Variants in BRME1 observed in about 807,000 individuals in gnomAD.
The protein encoded by BRME1 is break repair meiotic recombinase recruitment factor 1.
BRME1 carries 31 observed loss-of-function variants against 52.6 expected under a neutral mutation model. The observed-to-expected ratio is 0.59, with a 90% CI of 0.44 to 0.80. BRME1 has a LOEUF of 0.80. Among genes scored for constraint, BRME1 ranks in the 30% least tolerant of loss-of-function variants. The pLI, the probability that BRME1 is intolerant of heterozygous loss-of-function variation, is 0.00. For missense variants in BRME1, 804 were observed against 860.3 expected (o/e 0.93, Z 0.82); for synonymous variants, 359 against 353.6 (o/e 1.02, Z -0.17).
rs149763682 is a variant in BRME1 at position 13,904,870 on chromosome 19, C to T, written c.23G>A (p.Arg8Gln). 146 of 1,613,794 alleles carry T rather than the reference C, an allele frequency of 9.0e-5. No individual in the cohort carries two copies. The East Asian group carries it at 3.0e-3, about 33-fold the overall frequency. Residue 8 changes from arginine to glutamine, a missense_variant, in exon 2 of 9, where the codon CGG becomes CAG. Physicochemically the swap from Arg to Gln is conservative, Grantham distance 43. Around this residue, in one of 3 missense-constraint regions of BRME1, gnomAD observed 234 missense variants for 258.1 expected, o/e 0.91. Coordinates refer to ENST00000586783, the MANE Select transcript of BRME1 (RefSeq NM_001345843.2). MTKRKKLRTSGEGLCPPK... is the reference protein window; with the variant it reads MTKRKKLQTSGEGLCPPK... The stretch of plus-strand genomic sequence containing the variant: ...CATTTGAATGAACGTACCTGAGGTC[C>T]GCAGCTTCTTCCTCTTAGTCATTTT...
At chr19:13,898,210 G>C (rs1373483344) in intron 2 of BRME1, among the ~76,000 whole-genome samples, 3 of 152,198 alleles carry the variant, frequency 2.0e-5, no homozygotes, top group African/African-American at 7.2e-5. Context: ...CAGAGGCCCA[G>C]GAACCAAGGC....
Position 13,883,052 on chromosome 19 carries a change from A to C in BRME1, c.1857-100T>G, listed in dbSNP as rs1968754827. 1.4e-6 allele frequency: 2 copies of C among 1,436,422 alleles called. No homozygotes were observed. Among genetic ancestry groups the C allele is most frequent in the Non-Finnish European group, 1.9e-6 (2 of 1,054,642 alleles). 89.0% of individuals were successfully genotyped at this position (1,436,422 alleles called of 1,614,324 possible). On this transcript the variant is annotated intron_variant, in intron 8 of 8. Coordinates refer to ENST00000586783, the MANE Select transcript of BRME1 (RefSeq NM_001345843.2). The surrounding 1 kb of genome is among the most constrained non-coding windows in gnomAD (Gnocchi z 4.2). ...ACATGGTCACCAATGACTCAGGTGC[A>C]CACACACGGCTCACACACGTGCACA...
intron 5 of BRME1, among the ~76,000 whole-genome samples, chr19:13,890,945 C>G (rs1396428632): frequency 1.3e-5 from 2 of 151,994 alleles, no homozygotes; most frequent in Admixed American, 1.3e-4. Flanking sequence ...TTCAAAGACT[C>G]AGATATTGGC....
At chr19:13,891,571 C>T (rs1460932117) in intron 5 of BRME1, among the ~76,000 whole-genome samples, 12 of 152,116 alleles carry the variant, frequency 7.9e-5, no homozygotes, top group African/African-American at 2.2e-4. Flanking sequence ...TAGATTCAGA[C>T]GACCCTCCCA....
intron 2 of BRME1, among the ~76,000 whole-genome samples, chr19:13,896,557 G>T (rs1969912191): frequency 6.8e-6 from 1 of 146,198 alleles, no homozygotes; most frequent in South Asian, 2.1e-4. Context: ...TCTAAAGCCA[G>T]GCCACGCCAC....
chr19:13,899,363 C>T (rs954441386), intron 2 of BRME1, among the ~76,000 whole-genome samples: 2 of 151,996 alleles, frequency 1.3e-5, no homozygotes, highest in Non-Finnish European at 2.9e-5. Flanking sequence ...GTTGGCCACA[C>T]TGGTTTTGAA....
chr19:13,882,646 G>A lies in BRME1; in HGVS notation c.*156C>T. 1.0e-6 allele frequency: 1 copy of A among 958,820 alleles called. No individual in the cohort carries two copies. The allele number at this position is 958,820 out of a possible 1,614,324, so 59.4% of individuals were successfully genotyped here. On this transcript the variant is annotated 3_prime_UTR_variant, in exon 9 of 9. Transcript: ENST00000586783. ...CCTTGACCCTGGCCAGGTGAGGCCA[G>A]GACCTCACGGCCTCCTTTGTGTTGT...
Position 13,889,559 on chromosome 19 carries a change from C to T in BRME1, c.1297G>A (p.Gly433Arg), listed in dbSNP as rs767482509. ...PGSGESMMGA[G>R]DSGHASPDTG... The stretch of plus-strand genomic sequence containing the variant: ...TCCGGGGATGCATGACCGGAATCTC[C>T]AGCACCCATCATGGACTCTCCGCTC... The change falls in exon 6 of 9, where the codon GGA becomes AGA. Residue 433 changes from glycine to arginine, a missense_variant. Gly to Arg is a moderately radical substitution (Grantham distance 125). Transcript: ENST00000586783. 10 of 1,613,538 alleles carry T rather than the reference C, an allele frequency of 6.2e-6. No individual in the cohort carries two copies. Among genetic ancestry groups the T allele is most frequent in the Non-Finnish European group, 7.6e-6 (9 of 1,179,992 alleles).
intron 4 of BRME1, 80 bp from the exon 5 acceptor site, chr19:13,892,970 T>A: frequency 7.0e-7 from 1 of 1,424,046 alleles, no homozygotes; most frequent in Non-Finnish European, 9.9e-7. Context: ...ACCCCAAACC[T>A]GCTCCTTTCT....
chr19:13,882,846 G>T lies in BRME1; in HGVS notation c.1963C>A (p.Pro655Thr). 1 of 1,614,058 alleles carries T rather than the reference G, an allele frequency of 6.2e-7. No homozygotes were observed. Among genetic ancestry groups the T allele is most frequent in the South Asian group, 1.1e-5 (1 of 91,068 alleles). Residue 655 changes from proline (P) to threonine (T), a missense_variant, in exon 9 of 9, where the codon CCT becomes ACT. Physicochemically the swap from Pro to Thr is conservative, Grantham distance 38. This residue lies in a region of BRME1 where 552 missense variants were observed against 561.1 expected (regional missense o/e 0.98). Transcript: ENST00000586783. ...GGGTCCCCTCGAGGGATATTCCCAG[G>T]CCCCTTGGAAGGGTAAGGCAGGGGG... ...KAPLPYPSKG[P>T]GNIPRGDPPW...
In BRME1 at chr19:13,889,413, A is replaced by G. The variant is rs532762540; in HGVS notation, c.1443T>C (p.Val481=). The G allele has an allele frequency of 2.8e-5, 46 of 1,614,056 alleles. No homozygotes were observed. The highest frequency in any genetic ancestry group is 1.6e-4 in the Middle Eastern group (1 of 6,062). The stretch of plus-strand genomic sequence containing the variant: ...CTGCTATTTCTCTGTGTTCCAGCAC[A>G]ACAGAGGCTTGCGGGGACACACGGA... ...EGFRVSPQAS[V]VLEHREIADD... The change falls in exon 6 of 9, where the codon GTT becomes GTC. Residue 481 remains valine, a synonymous_variant. Transcript: ENST00000586783.
At chr19:13,890,928 C>A (rs1431860391) in intron 5 of BRME1, among the ~76,000 whole-genome samples, 1 of 151,930 alleles carries the variant, frequency 6.6e-6, no homozygotes, top group Non-Finnish European at 1.5e-5. Context: ...TAGTTGTCAC[C>A]ACCCTGTTCA....
At chr19:13,905,191 G>A (rs1360265419) in intron 1 of BRME1, among the ~76,000 whole-genome samples, 1 of 152,018 alleles carries the variant, frequency 6.6e-6, no homozygotes, top group East Asian at 1.9e-4. Context: ...AGATAGCCCC[G>A]GGGACCCAGA....
chr19:13,882,770 G>T lies in BRME1; in HGVS notation c.*32C>A. ...AGGAGGTCTGCGGACATGGGGGCTG[G>T]GTGGCAAAGGAAACACAGACCTCAA... is the stretch of plus-strand genomic sequence containing the variant. On this transcript the variant is annotated 3_prime_UTR_variant, in exon 9 of 9. Coordinates refer to ENST00000586783, the MANE Select transcript of BRME1 (RefSeq NM_001345843.2). 1 of 1,612,386 alleles carries T rather than the reference G, an allele frequency of 6.2e-7. No individual in the cohort carries two copies. The highest frequency in any genetic ancestry group is 8.5e-7 in the Non-Finnish European group (1 of 1,179,578).
chr19:13,904,998 C>T (rs970557853), intron 1 of BRME1, 85 bp from the exon 2 acceptor site: 25 of 1,124,922 alleles, frequency 2.2e-5, no homozygotes, highest in Non-Finnish European at 3.0e-5. Context: ...GCAGAGGTTA[C>T]CCCTACCTCC....
At chr19:13,895,850 C>T (rs369821742) in intron 2 of BRME1, among the ~76,000 whole-genome samples, 2 of 152,198 alleles carry the variant, frequency 1.3e-5, no homozygotes, top group African/African-American at 2.4e-5. Flanking sequence ...TCACAGCCAC[C>T]GGGTGCTGAA....
At position 13,890,023 on chromosome 19, in the gene BRME1, C is replaced by G. The variant is rs569548881; in HGVS notation, c.833G>C (p.Cys278Ser). The stretch of plus-strand genomic sequence containing the variant: ...TGAGGTAGGAGCTGATGCTGGGGTA[C>G]AGGGGACACCGTCTCCCTCCTCCTG... ...GPQEEGDGVPCTPASAPTSGP... is the reference protein window; with the variant it reads ...GPQEEGDGVPSTPASAPTSGP... Residue 278 changes from cysteine (C) to serine (S), a missense_variant, in exon 6 of 9, where the codon TGT (cysteine) becomes TCT (serine). By Grantham distance (112) the Cys-to-Ser change is moderately radical. Transcript: ENST00000586783. 6.2e-7 allele frequency: 1 copy of G among 1,613,336 alleles called. No homozygotes were observed. Among genetic ancestry groups the G allele is most frequent in the South Asian group, 1.1e-5 (1 of 91,086 alleles).
intron 6 of BRME1, 125 bp downstream of exon 6, chr19:13,889,063 G>A: frequency 1.1e-6 from 1 of 874,852 alleles, no homozygotes; most frequent in Non-Finnish European, 1.7e-6. Context: ...ATAGTCGTTG[G>A]CTGTGTAAAT....
At position 13,892,776 on chromosome 19, in the gene BRME1, A is replaced by C. The variant is rs374749064; in HGVS notation, c.393+10T>G. 4 of 1,605,416 alleles carry C rather than the reference A, an allele frequency of 2.5e-6. No homozygotes were observed. The stretch of plus-strand genomic sequence containing the variant: ...CGCTGGGCTCAGCCTGGCTGATTTT[A>C]GAGCCTTACCAGGCTAAAGGCCCCA... On this transcript the variant is annotated intron_variant, in intron 5 of 8. Coordinates refer to ENST00000586783, the MANE Select transcript of BRME1 (RefSeq NM_001345843.2).
Sources: allele counts gnomAD v4.1 joint callset (sites outside exome capture counted in the v4.1 genomes callset), GRCh38; gene constraint gnomAD v4.1.1; regional missense constraint gnomAD v4.1.1; non-coding constraint Gnocchi (gnomAD v3.1); transcripts MANE v1.5; gene names NCBI Gene and HGNC (gene_info 2026-07-23, HGNC 2026-07-21).